The following TMEM183A variants were observed in gnomAD, a reference collection of about 807,000 sequenced individuals.
TMEM183A encodes chromosome 1 open reading frame 37.
Under a neutral mutation model 46.7 loss-of-function variants are expected in TMEM183A, and 21 were observed. The observed-to-expected ratio is 0.45, with a 90% CI of 0.32 to 0.65. The LOEUF (loss-of-function observed/expected upper bound fraction) is 0.65, where lower values mean the gene tolerates loss of function less well. Ranked by LOEUF, TMEM183A falls within the 30% of genes least tolerant of loss-of-function variation. TMEM183A has a pLI of 0.04. For missense variants in TMEM183A, 331 were observed against 481.9 expected (o/e 0.69, Z 2.93); for synonymous variants, 165 against 180.2 (o/e 0.92, Z 0.68).
chr1:203,018,363 C>A, intron 5 of TMEM183A, 118 bp from the exon 6 acceptor site: 1 of 1,160,224 alleles, frequency 8.6e-7, no homozygotes, highest in East Asian at 2.5e-5. Flanking sequence ...GCATTGGGAC[C>A]GTGGCTGGCT....
At chr1:203,018,413 G>A in intron 5 of TMEM183A, 68 bp from the exon 6 acceptor site, 2 of 1,531,438 alleles carry the variant, frequency 1.3e-6, no homozygotes, top group Non-Finnish European at 1.8e-6. Flanking sequence ...TGATTATTTT[G>A]GTTGTAGTGT....
chr1:203,009,486 T>C (rs1656340503), intron 3 of TMEM183A, among the ~76,000 whole-genome samples: 1 of 152,146 alleles, frequency 6.6e-6, no homozygotes, highest in South Asian at 2.1e-4. Flanking sequence ...GAATTTTTAT[T>C]TATTTATTTT....
chr1:203,008,979 T>G (rs1656283700), intron 3 of TMEM183A, among the ~76,000 whole-genome samples, 169 bp downstream of exon 3: 1 of 152,200 alleles, frequency 6.6e-6, no homozygotes, highest in Admixed American at 6.5e-5. Context: ...TTAATACACC[T>G]GGGCTTTCTT....
In TMEM183A at chr1:203,007,789, A is replaced by G; in HGVS notation, c.125A>G (p.Tyr42Cys). ...TGTGTTGCAGTGACCGTGGCGGATT[A>G]CGCCAACTCGGATCCGGCGGTCGTG... ...ACSGRVTVAD[Y>C]ANSDPAVVRS... Residue 42 changes from tyrosine to cysteine, a missense_variant, in exon 2 of 8, where the codon TAC becomes TGC. By Grantham distance (194) the Tyr-to-Cys change is radical (BLOSUM62 -2). Around this residue, in one of 2 missense-constraint regions of TMEM183A, gnomAD observed 98 missense variants for 96.1 expected, o/e 1.02. Coordinates refer to ENST00000367242, the MANE Select transcript of TMEM183A (RefSeq NM_138391.6). The G allele has an allele frequency of 6.2e-7, 1 of 1,614,014 alleles. No individual in the cohort carries two copies. Among genetic ancestry groups the G allele is most frequent in the Non-Finnish European group, 8.5e-7 (1 of 1,179,882 alleles).
In TMEM183A at chr1:203,013,120, A is replaced by G. The variant is rs1391228136; in HGVS notation, c.368-1769A>G. ...CTAGACATGGTAGACTGTGTCTTGC[A>G]TGATTACTGGAGATTATAAGAAGGA... On this transcript the variant is annotated intron_variant, in intron 3 of 7. Coordinates refer to ENST00000367242, the MANE Select transcript of TMEM183A (RefSeq NM_138391.6). The surrounding 1 kb of genome is among the most constrained non-coding windows in gnomAD (Gnocchi z 4.0). Among the ~76,000 whole-genome samples, 1 of 152,236 alleles carries G rather than the reference A, an allele frequency of 6.6e-6. No individual in the cohort carries two copies. Among genetic ancestry groups the G allele is most frequent in the Non-Finnish European group, 1.5e-5 (1 of 68,036 alleles).
At position 203,024,480 on chromosome 1, in the gene TMEM183A, A is replaced by ATTTTTTT. The variant is rs111906628; in HGVS notation, c.*1445_*1446insTTTTTTT. On this transcript the variant is annotated 3_prime_UTR_variant, in exon 8 of 8. Transcript: ENST00000367242. The stretch of plus-strand genomic sequence containing the variant: ...TTGTGAGGCAAACTGCTAAATTCAC[A>ATTTTTTT]TTTTTGTTTTTTTTTTTTTACCATC... 4.2e-5 allele frequency: 6 copies of ATTTTTTT among 143,308 alleles called. No individual in the cohort carries two copies. The highest frequency in any genetic ancestry group is 1.5e-4 in the African/African-American group (6 of 39,342). The allele number at this position is 143,308 out of a possible 1,614,324, so 8.9% of individuals were successfully genotyped here.
intron 6 of TMEM183A, among the ~76,000 whole-genome samples, chr1:203,019,204 C>G (rs1657442520): frequency 6.6e-6 from 1 of 152,012 alleles, no homozygotes; most frequent in South Asian, 2.1e-4. Context: ...GCAAATATTC[C>G]AAAATCTGAA....
At position 203,023,999 on chromosome 1, in the gene TMEM183A, C is replaced by T. The variant is rs910778202; in HGVS notation, c.*959C>T. ...AAGTTTAGAAGATTGATGAAATGAT[C>T]TTTTAAATATGTATTTCTGAATAAA... On this transcript the variant is annotated 3_prime_UTR_variant, in exon 8 of 8. Transcript: ENST00000367242. 1.3e-5 allele frequency: 2 copies of T among 152,170 alleles called. No individual in the cohort carries two copies. The highest frequency in any genetic ancestry group is 2.4e-5 in the African/African-American group (1 of 41,454). The allele number at this position is 152,170 out of a possible 1,614,324, so 9.4% of individuals were successfully genotyped here. A position where few individuals can be genotyped will look rare whatever the true frequency, so the allele number is the denominator to read the frequency against.
At position 203,023,406 on chromosome 1, in the gene TMEM183A, A is replaced by T. The variant is rs2102580113; in HGVS notation, c.*366A>T. On this transcript the variant is annotated 3_prime_UTR_variant, in exon 8 of 8. Coordinates refer to ENST00000367242, the MANE Select transcript of TMEM183A (RefSeq NM_138391.6). ...AACAAGGAAGTTTCAGCATTCCCTT[A>T]TGGATCAGAGGAACCTTAGAGGCCT... is the stretch of plus-strand genomic sequence containing the variant. 6.5e-6 allele frequency: 1 copy of T among 154,286 alleles called. No individual in the cohort carries two copies. The highest frequency in any genetic ancestry group is 1.9e-4 in the East Asian group (1 of 5,144). The allele number at this position is 154,286 out of a possible 1,614,324, so 9.6% of individuals were successfully genotyped here.
chr1:203,012,234 A>ATCAC (rs1656713041), intron 3 of TMEM183A, among the ~76,000 whole-genome samples: 1 of 15,608 alleles, frequency 6.4e-5, no homozygotes, highest in South Asian at 2.1e-3. Context: ...TCCCCACTCC[A>ATCAC]TCACACACAC....
chr1:203,008,543 T>TC, intron 2 of TMEM183A, 100 bp from the exon 3 acceptor site: 1 of 1,092,442 alleles, frequency 9.2e-7, no homozygotes. Flanking sequence ...CGATGTTTTT[T>TC]TTCCCCCCTT....
chr1:203,018,683 A>C, intron 6 of TMEM183A, 122 bp downstream of exon 6: 4 of 1,151,820 alleles, frequency 3.5e-6, no homozygotes, highest in Non-Finnish European at 5.0e-6. Context: ...CTTAAAAAGA[A>C]CGAACTTTAT....
intron 6 of TMEM183A, among the ~76,000 whole-genome samples, chr1:203,019,867 T>C (rs986625342): frequency 7.9e-5 from 12 of 152,268 alleles, no homozygotes; most frequent in African/African-American, 2.9e-4. Context: ...TATTATTAGG[T>C]GTAATTATGA....
Position 203,007,413 on chromosome 1 carries a change from G to A in TMEM183A, c.-53G>A, listed in dbSNP as rs1482893597. 1 of 1,349,224 alleles carries A rather than the reference G, an allele frequency of 7.4e-7. No individual in the cohort carries two copies. Among genetic ancestry groups the A allele is most frequent in the Non-Finnish European group, 9.5e-7 (1 of 1,049,706 alleles). 83.6% of individuals were successfully genotyped at this position (1,349,224 alleles called of 1,614,324 possible). A position where few individuals can be genotyped will look rare whatever the true frequency, so the allele number is the denominator to read the frequency against. On this transcript the variant is annotated 5_prime_UTR_variant, in exon 1 of 8. Transcript: ENST00000367242. ...CGGCCTCCGGTGTGGGATGGCCGCG[G>A]AGCCGGGCGGAGCTGGCTTGCGGCT...
At chr1:203,012,278 C>CACACACACA (rs58503894) in intron 3 of TMEM183A, among the ~76,000 whole-genome samples, 2 of 147,160 alleles carry the variant, frequency 1.4e-5, no homozygotes, top group African/African-American at 2.5e-5. Context: ...CACACACACA[C>CACACACACA]GGTTATTTTG....
rs1276435579 is a variant in TMEM183A at position 203,013,642 on chromosome 1, G to A, written c.368-1247G>A. Among the ~76,000 whole-genome samples the A allele has an allele frequency of 6.6e-6, 1 of 152,004 alleles. No individual in the cohort carries two copies. Among genetic ancestry groups the A allele is most frequent in the African/African-American group, 2.4e-5 (1 of 41,360 alleles). On this transcript the variant is annotated intron_variant, in intron 3 of 7. Transcript: ENST00000367242. This position sits in a 1 kb window ranked among gnomAD's most constrained non-coding sequence, Gnocchi z 4.0. ...TTCTCCTGCCTCAGCCTCCCAAGTA[G>A]CTGGAACTACAGGCAGCTGCCACCA...
chr1:203,022,958 T>C lies in TMEM183A; in HGVS notation c.1049T>C (p.Val350Ala). 1 of 1,611,396 alleles carries C rather than the reference T, an allele frequency of 6.2e-7. No homozygotes were observed. The highest frequency in any genetic ancestry group is 8.5e-7 in the Non-Finnish European group (1 of 1,178,286). Residue 350 changes from valine (V) to alanine (A), a missense_variant, in exon 8 of 8, where the codon GTG (valine) becomes GCG (alanine). Coordinates refer to ENST00000367242, the MANE Select transcript of TMEM183A (RefSeq NM_138391.6). ...GGRKLRSEQG[V>A]QVILDPVHSV... ...CGGAAACTGCGCAGTGAACAGGGTG[T>C]GCAAGTCATCCTGGACCCAGTGCAC...
Position 203,012,135 on chromosome 1 carries a change from A to AC in TMEM183A, c.368-2748dup, listed in dbSNP as rs1222299032. ...CACGGCCATTTTTACTTCAACCATT[A>AC]CCCCCCACTCCATCACACACACACA... On this transcript the variant is annotated intron_variant, in intron 3 of 7. Transcript: ENST00000367242. 2.0e-5 allele frequency among the ~76,000 whole-genome samples: 2 copies of AC among 100,392 alleles called. 1 individual carries two copies. The highest frequency in any genetic ancestry group is 4.2e-5 in the Non-Finnish European group (2 of 47,844). The allele number at this position is 100,392 out of a possible 152,430, so 65.9% of individuals were successfully genotyped here.
At chr1:203,014,318 G>A (rs897615707) in intron 3 of TMEM183A, among the ~76,000 whole-genome samples, 4 of 152,162 alleles carry the variant, frequency 2.6e-5, no homozygotes, top group African/African-American at 9.7e-5. Flanking sequence ...ACTTCAAAAT[G>A]ATGGTCAGGT....
Sources: allele counts gnomAD v4.1 joint callset (sites outside exome capture counted in the v4.1 genomes callset), GRCh38; gene constraint gnomAD v4.1.1; regional missense constraint gnomAD v4.1.1; non-coding constraint Gnocchi (gnomAD v3.1); transcripts MANE v1.5; gene names NCBI Gene and HGNC (gene_info 2026-07-23, HGNC 2026-07-21).